The following CUL1 variants were observed in gnomAD, a reference collection of about 807,000 sequenced individuals.
The protein encoded by CUL1 is cullin-1.
CUL1 carries 24 observed loss-of-function variants against 118.0 expected under a neutral mutation model. The ratio of observed to expected loss-of-function variants is 0.20; its 90% CI spans 0.15 to 0.29. The LOEUF (loss-of-function observed/expected upper bound fraction) is 0.29, where lower values mean the gene tolerates loss of function less well. Ranked by LOEUF, CUL1 falls within the 10% of genes least tolerant of loss-of-function variation. The pLI, the probability that CUL1 is intolerant of heterozygous loss-of-function variation, is 1.00. For synonymous variants in CUL1, 332 were observed against 340.4 expected, an observed-to-expected ratio of 0.98 and a Z score of 0.27; for missense variants, 361 against 933.8, an observed-to-expected ratio of 0.39 and a Z score of 7.99.
chr7:148,779,223 A>G (rs528825429), intron 9 of CUL1, among the ~76,000 whole-genome samples: 3 of 152,344 alleles, frequency 2.0e-5, no homozygotes, highest in South Asian at 4.1e-4. Flanking sequence ...GATTATCATT[A>G]TGTTCCTGGT....
chr7:148,746,699 G>C (rs1014322388), intron 2 of CUL1, among the ~76,000 whole-genome samples: 1 of 152,162 alleles, frequency 6.6e-6, no homozygotes, highest in Non-Finnish European at 1.5e-5. Context: ...AGAATGTTAG[G>C]ATAAATCTGT....
chr7:148,765,321 A>C (rs1401051915), intron 7 of CUL1, among the ~76,000 whole-genome samples: 1 of 152,120 alleles, frequency 6.6e-6, no homozygotes, highest in African/African-American at 2.4e-5. Flanking sequence ...GATTTCTCCA[A>C]AATTATACCA....
At chr7:148,759,944 A>T (rs1799783150) in intron 6 of CUL1, among the ~76,000 whole-genome samples, 1 of 152,196 alleles carries the variant, frequency 6.6e-6, no homozygotes, top group African/African-American at 2.4e-5. Flanking sequence ...CCAGAAATCT[A>T]TATCAGCTTG....
In CUL1 at chr7:148,757,157, GTT is replaced by G. The variant is rs779836957; in HGVS notation, c.483+10_483+11del. 6.8e-7 allele frequency: 1 copy of G among 1,474,576 alleles called. No individual in the cohort carries two copies. Among genetic ancestry groups the G allele is most frequent in the East Asian group, 2.5e-5 (1 of 39,548 alleles). 91.3% of individuals were successfully genotyped at this position (1,474,576 alleles called of 1,614,324 possible). The stretch of plus-strand genomic sequence containing the variant: ...AATATATGAAATCTATTCGGTAAGA[GTT>G]TTGTTTTAAAACGTTTTAAATTTGT... On this transcript the variant is annotated splice_region_variant and intron_variant, in intron 4 of 21. Transcript: ENST00000325222.
At position 148,800,681 on chromosome 7, in the gene CUL1, G is replaced by A; in HGVS notation, c.*99G>A. On this transcript the variant is annotated 3_prime_UTR_variant, in exon 22 of 22. Coordinates refer to ENST00000325222, the MANE Select transcript of CUL1 (RefSeq NM_003592.3). This position sits in a 1 kb window ranked among gnomAD's most constrained non-coding sequence, Gnocchi z 4.6. ...TCATAGCAGCCAGCCTGCCGCCATTGGACCTCCCTTTTAAAAACTGAGACC... is the reference window on the plus strand; with the variant it reads ...TCATAGCAGCCAGCCTGCCGCCATTAGACCTCCCTTTTAAAAACTGAGACC... 4 of 904,738 alleles carry A rather than the reference G, an allele frequency of 4.4e-6. No individual in the cohort carries two copies. Among genetic ancestry groups the A allele is most frequent in the Non-Finnish European group, 7.0e-6 (4 of 572,638 alleles). The allele number at this position is 904,738 out of a possible 1,614,324, so 56.0% of individuals were successfully genotyped here. A position where few individuals can be genotyped will look rare whatever the true frequency, so the allele number is the denominator to read the frequency against.
At position 148,759,512 on chromosome 7, in the gene CUL1, T is replaced by C. The variant is rs770052227; in HGVS notation, c.535-36T>C. The stretch of plus-strand genomic sequence containing the variant: ...ATGTAGTAATATATATCATATTCTA[T>C]AACCTGTGTAATATTTTTCTACATC... On this transcript the variant is annotated intron_variant, in intron 5 of 21. Coordinates refer to ENST00000325222, the MANE Select transcript of CUL1 (RefSeq NM_003592.3). 25 of 1,411,552 alleles carry C rather than the reference T, an allele frequency of 1.8e-5. 2 individuals carry two copies. The South Asian group carries it at 2.6e-4, about 15-fold the overall frequency. 87.4% of individuals were successfully genotyped at this position (1,411,552 alleles called of 1,614,324 possible).
intron 9 of CUL1, among the ~76,000 whole-genome samples, chr7:148,779,945 GC>G: frequency 6.6e-6 from 1 of 152,292 alleles, no homozygotes; most frequent in Non-Finnish European, 1.5e-5. Flanking sequence ...GACTGGCCTG[GC>G]CTCCCAGCCT....
intron 9 of CUL1, among the ~76,000 whole-genome samples, chr7:148,776,474 A>G (rs1228789820): frequency 1.3e-5 from 2 of 150,888 alleles, no homozygotes; most frequent in African/African-American, 2.4e-5. Context: ...GTGCCACCAC[A>G]CCTGGCTAAT....
At chr7:148,774,098 C>G (rs1057320275) in intron 9 of CUL1, among the ~76,000 whole-genome samples, 6 of 152,046 alleles carry the variant, frequency 3.9e-5, no homozygotes, top group Non-Finnish European at 8.8e-5. Context: ...ATATGAGACA[C>G]AAAATAGAGC....
chr7:148,750,688 A>G (rs1267276605), intron 2 of CUL1, among the ~76,000 whole-genome samples: 1 of 152,158 alleles, frequency 6.6e-6, no homozygotes, highest in Non-Finnish European at 1.5e-5. Flanking sequence ...ATAGCTAGAG[A>G]GAAGTTAATG....
intron 17 of CUL1, among the ~76,000 whole-genome samples, chr7:148,794,873 C>G (rs1010705594): frequency 1.3e-5 from 2 of 152,200 alleles, no homozygotes; most frequent in African/African-American, 4.8e-5. Flanking sequence ...GCTCTGTCTC[C>G]TAGGCTGGAG....
intron 2 of CUL1, among the ~76,000 whole-genome samples, chr7:148,731,069 T>C (rs979093929): frequency 6.6e-6 from 1 of 152,250 alleles, no homozygotes; most frequent in Non-Finnish European, 1.5e-5. Flanking sequence ...AAAAGAATTT[T>C]ATTCCTTTAG....
chr7:148,767,689 GAC>G lies in CUL1; in HGVS notation c.1029_1030del (p.Ile344SerfsTer2). The G allele has an allele frequency of 6.2e-7, 1 of 1,613,920 alleles. No homozygotes were observed. Among genetic ancestry groups the G allele is most frequent in the Non-Finnish European group, 8.5e-7 (1 of 1,179,872 alleles). ...GLGELKKLLE[T>X]HIHNQGLAAI... ...TAGGAGAATTGAAAAAACTGTTGGA[GAC>G]ACACATTCATAATCAGGGTCTTGCA... On this transcript the variant is annotated frameshift_variant, in exon 9 of 22. Transcript: ENST00000325222. LOFTEE classifies it high-confidence loss of function.
chr7:148,748,987 C>G (rs934613899), intron 2 of CUL1, among the ~76,000 whole-genome samples: 4 of 152,116 alleles, frequency 2.6e-5, no homozygotes, highest in African/African-American at 9.7e-5. Flanking sequence ...GTAGAAGAAA[C>G]TCTAGTATTA....
At chr7:148,799,246 C>T (rs1459127364) in intron 20 of CUL1, 29 bp from the exon 21 acceptor site, 1 of 1,541,698 alleles carries the variant, frequency 6.5e-7, no homozygotes, top group East Asian at 2.2e-5. Context: ...GCTCTAAATG[C>T]ACTTCTTTTT....
At chr7:148,707,574 G>A (rs1308873241) in intron 1 of CUL1, among the ~76,000 whole-genome samples, 1 of 151,924 alleles carries the variant, frequency 6.6e-6, no homozygotes, top group Non-Finnish European at 1.5e-5. Flanking sequence ...GTGGTTTGCT[G>A]CACCGATCAA....
At chr7:148,783,059 GGCGGCGTGCGCT>G (rs1800695561) in intron 9 of CUL1, among the ~76,000 whole-genome samples, 1 of 152,232 alleles carries the variant, frequency 6.6e-6, no homozygotes, top group African/African-American at 2.4e-5. Flanking sequence ...GAAGGGTGGT[GGCGGCGTGCGCT>G]GCATGCCTAG....
At chr7:148,721,838 C>T (rs1798407873) in intron 1 of CUL1, among the ~76,000 whole-genome samples, 2 of 151,898 alleles carry the variant, frequency 1.3e-5, no homozygotes, top group South Asian at 4.2e-4. Flanking sequence ...TGTGAATTCT[C>T]CTGTTGGTGG....
chr7:148,725,247 A>ACACACACACC (rs1249684580), intron 1 of CUL1, among the ~76,000 whole-genome samples: 77 of 151,046 alleles, frequency 5.1e-4, no homozygotes, highest in Non-Finnish European at 8.0e-4. Context: ...ACACACACAC[A>ACACACACACC]CCCGTACCCC....
Sources: allele counts gnomAD v4.1 joint callset (sites outside exome capture counted in the v4.1 genomes callset), GRCh38; gene constraint gnomAD v4.1.1; non-coding constraint Gnocchi (gnomAD v3.1); transcripts MANE v1.5; gene names NCBI Gene and HGNC (gene_info 2026-07-23, HGNC 2026-07-21).